The following DYNC1I2 variants were observed in gnomAD, a reference collection of about 807,000 sequenced individuals.
DYNC1I2 encodes the protein cytoplasmic dynein 1 intermediate chain 2.
A neutral mutation model predicts 88.6 loss-of-function variants in DYNC1I2; 53 were observed. The ratio of observed to expected loss-of-function variants is 0.60; its 90% CI spans 0.48 to 0.75. DYNC1I2 has a LOEUF of 0.75. Ranked by LOEUF, DYNC1I2 falls within the 30% of genes least tolerant of loss-of-function variation. The pLI, the probability that DYNC1I2 is intolerant of heterozygous loss-of-function variation, is 0.00. For synonymous variants in DYNC1I2, 198 were observed against 254.6 expected (o/e 0.78, Z 2.12); for missense variants, 458 against 766.6 (o/e 0.60, Z 4.75).
chr2:171,727,147 A>G (rs1347181660), intron 11 of DYNC1I2, among the ~76,000 whole-genome samples: 1 of 152,112 alleles, frequency 6.6e-6, no homozygotes, highest in Non-Finnish European at 1.5e-5. Context: ...AATCACACCT[A>G]AAGTCCTTTG....
chr2:171,691,929 G>GT (rs1465442998), intron 2 of DYNC1I2, among the ~76,000 whole-genome samples: 1 of 152,148 alleles, frequency 6.6e-6, no homozygotes, highest in Non-Finnish European at 1.5e-5. Context: ...TTTATCAACA[G>GT]TGAAGCATCA....
At chr2:171,710,863 C>T (rs938421230) in intron 5 of DYNC1I2, among the ~76,000 whole-genome samples, 17 of 149,146 alleles carry the variant, frequency 1.1e-4, no homozygotes, top group Non-Finnish European at 2.0e-4. Context: ...TCACCATACC[C>T]AGCTACTTTT....
At position 171,749,986 on chromosome 2, in the gene DYNC1I2, A is replaced by G. The variant is rs974368901; in HGVS notation, c.*2097A>G. Reference sequence around the variant, plus strand: ...CCAGTTACAGAAATTGTACCTTATCAGTTATACTTTTTTTCTGAGTAAGAA... The same window carrying G: ...CCAGTTACAGAAATTGTACCTTATCGGTTATACTTTTTTTCTGAGTAAGAA... On this transcript the variant is annotated 3_prime_UTR_variant, in exon 18 of 18. Transcript: ENST00000397119. Among the ~76,000 whole-genome samples the G allele has an allele frequency of 1.3e-5, 2 of 152,156 alleles. No homozygotes were observed. The highest frequency in any genetic ancestry group is 2.9e-5 in the Non-Finnish European group (2 of 68,006).
intron 3 of DYNC1I2, among the ~76,000 whole-genome samples, chr2:171,698,105 C>T (rs1191545981): frequency 6.6e-6 from 1 of 152,178 alleles, no homozygotes; most frequent in African/African-American, 2.4e-5. Context: ...CACTATGTGA[C>T]TATTAATTTC....
intron 1 of DYNC1I2, 122 bp downstream of exon 1, chr2:171,687,749 C>G (rs533120527): frequency 6.6e-6 from 1 of 152,526 alleles, no homozygotes; most frequent in Non-Finnish European, 1.5e-5. Context: ...CCGCCCATCC[C>G]TCTTTGTGTG....
At chr2:171,691,447 G>A (rs1476242539) in intron 2 of DYNC1I2, among the ~76,000 whole-genome samples, 1 of 152,122 alleles carries the variant, frequency 6.6e-6, no homozygotes, top group Non-Finnish European at 1.5e-5. Context: ...CCTAAATAAT[G>A]GCCAAGACTG....
intron 3 of DYNC1I2, among the ~76,000 whole-genome samples, chr2:171,704,135 C>A (rs902009949): frequency 6.6e-6 from 1 of 152,136 alleles, no homozygotes; most frequent in South Asian, 2.1e-4. Context: ...AGGTGCATTC[C>A]CAGGTCCTTT....
intron 15 of DYNC1I2, among the ~76,000 whole-genome samples, chr2:171,731,818 A>G (rs962724318): frequency 1.3e-5 from 2 of 152,180 alleles, no homozygotes; most frequent in African/African-American, 4.8e-5. Flanking sequence ...AAGTTGGAAA[A>G]TGAATGAATG....
rs184134073 is a variant in DYNC1I2, at chr2:171,731,561, T to C, written c.1536+1708T>C. On this transcript the variant is annotated intron_variant, in intron 15 of 17. Transcript: ENST00000397119. ...TGAGCCCAGGAGTTCAAGACCAGTTTGGGTAACACAAGGAGACCCCATGTT... is the reference window on the plus strand; with the variant it reads ...TGAGCCCAGGAGTTCAAGACCAGTTCGGGTAACACAAGGAGACCCCATGTT... 3.3e-5 allele frequency among the ~76,000 whole-genome samples: 5 copies of C among 152,318 alleles called. No homozygotes were observed. The East Asian group carries it at 7.7e-4, about 24-fold the overall frequency.
intron 14 of DYNC1I2, 54 bp downstream of exon 14, chr2:171,728,904 G>T: frequency 6.6e-7 from 1 of 1,521,192 alleles, no homozygotes; most frequent in Non-Finnish European, 8.8e-7. Flanking sequence ...TAATCCCATT[G>T]AAACAAATTG....
intron 3 of DYNC1I2, among the ~76,000 whole-genome samples, chr2:171,706,276 A>G (rs1686669936): frequency 6.6e-6 from 1 of 152,130 alleles, no homozygotes. Flanking sequence ...TATTTTGAAA[A>G]GATACTTGGG....
chr2:171,692,126 T>C (rs1458297373), intron 2 of DYNC1I2, among the ~76,000 whole-genome samples: 1 of 152,174 alleles, frequency 6.6e-6, no homozygotes, highest in South Asian at 2.1e-4. Flanking sequence ...TACATTTTAC[T>C]TGAGAAGTCT....
chr2:171,687,664 G>A (rs1685060367), intron 1 of DYNC1I2, 37 bp downstream of exon 1: 1 of 152,380 alleles, frequency 6.6e-6, no homozygotes, highest in African/African-American at 2.4e-5. Flanking sequence ...TCGCAGCAGG[G>A]CCCCACCTTT....
intron 10 of DYNC1I2, 200 bp downstream of exon 10, chr2:171,726,493 A>G (rs1688265653): frequency 1.8e-6 from 1 of 565,162 alleles, no homozygotes; most frequent in Non-Finnish European, 2.9e-6. Context: ...TTTAAAATTC[A>G]GGACTTTATG....
chr2:171,712,770 G>T lies in DYNC1I2; in HGVS notation c.339G>T (p.Thr113=). ...DSGDGAVGSR[T]LHWDTDPSVL... Reference sequence around the variant, plus strand: ...TGGTTGTCCTACAACCATTTAGGACGCTGCATTGGGATACAGATCCATCAG... The same window carrying T: ...TGGTTGTCCTACAACCATTTAGGACTCTGCATTGGGATACAGATCCATCAG... The change falls in exon 6 of 18, where the codon ACG becomes ACT. Residue 113 remains threonine, a synonymous_variant. Coordinates refer to ENST00000397119, the MANE Select transcript of DYNC1I2 (RefSeq NM_001378.3). 6.2e-7 allele frequency: 1 copy of T among 1,612,888 alleles called. No homozygotes were observed. The highest frequency in any genetic ancestry group is 8.5e-7 in the Non-Finnish European group (1 of 1,179,352).
At chr2:171,739,799 G>A (rs1476400408) in intron 15 of DYNC1I2, among the ~76,000 whole-genome samples, 2 of 148,502 alleles carry the variant, frequency 1.3e-5, no homozygotes, top group African/African-American at 5.0e-5. Flanking sequence ...TCTGTCTCCT[G>A]GGTTCAAGTG....
intron 5 of DYNC1I2, 114 bp downstream of exon 5, chr2:171,707,491 A>G: frequency 2.4e-6 from 2 of 847,656 alleles, no homozygotes; most frequent in Non-Finnish European, 3.3e-6. Context: ...TAACATTTTA[A>G]AATCTAAAAT....
Position 171,748,860 on chromosome 2 carries a change from C to G in DYNC1I2, c.*971C>G, listed in dbSNP as rs1455548968. Among the ~76,000 whole-genome samples, 1 of 152,126 alleles carries G rather than the reference C, an allele frequency of 6.6e-6. No individual in the cohort carries two copies. The highest frequency in any genetic ancestry group is 1.5e-5 in the Non-Finnish European group (1 of 68,016). ...AAATCTACATCTTGAGATCTGTTGC[C>G]ACAGCATTGTCTACAAGTCCGAAAG... On this transcript the variant is annotated 3_prime_UTR_variant, in exon 18 of 18. Transcript: ENST00000397119.
chr2:171,727,810 C>G lies in DYNC1I2; in HGVS notation c.997-11C>G. ...TTGAATCTCAAGTATAAAAATCTTACTTATTTGCAGTCAGCTGTGATGTCT... is the reference window on the plus strand; with the variant it reads ...TTGAATCTCAAGTATAAAAATCTTAGTTATTTGCAGTCAGCTGTGATGTCT... On this transcript the variant is annotated splice_polypyrimidine_tract_variant and intron_variant, in intron 11 of 17. Coordinates refer to ENST00000397119, the MANE Select transcript of DYNC1I2 (RefSeq NM_001378.3). The G allele has an allele frequency of 6.2e-7, 1 of 1,606,360 alleles. No homozygotes were observed.
Sources: allele counts gnomAD v4.1 joint callset (sites outside exome capture counted in the v4.1 genomes callset), GRCh38; gene constraint gnomAD v4.1.1; transcripts MANE v1.5; gene names NCBI Gene and HGNC (gene_info 2026-07-23, HGNC 2026-07-21).